Variants in RAB38 observed in about 807,000 individuals in gnomAD.
The protein encoded by RAB38 is RAB38, member RAS oncogene family.
RAB38 carries 15 observed loss-of-function variants against 18.4 expected under a neutral mutation model. The observed-to-expected ratio is 0.82, with a 90% CI of 0.55 to 1.26. The LOEUF (loss-of-function observed/expected upper bound fraction) is 1.26. Among genes scored for constraint, RAB38 ranks in the 50% most tolerant of loss-of-function variants. RAB38 has a pLI of 0.00. For synonymous variants in RAB38, 101 were observed against 104.4 expected, an observed-to-expected ratio of 0.97 and a Z score of 0.20; for missense variants, 294 against 267.4, an observed-to-expected ratio of 1.10 and a Z score of -0.69.
intron 2 of RAB38, among the ~76,000 whole-genome samples, chr11:88,145,664 A>C (rs1264704024): frequency 6.6e-6 from 1 of 152,176 alleles, no homozygotes; most frequent in Non-Finnish European, 1.5e-5. Context: ...AAAGAAACAG[A>C]TCTGCCAAAG....
the RAB38 span, among the ~76,000 whole-genome samples, chr11:87,878,604 A>T: frequency 6.6e-6 from 1 of 151,808 alleles, no homozygotes; most frequent in East Asian, 2.0e-4. Flanking sequence ...TCCCAGTTTT[A>T]AAAAAGCAAT....
Position 88,149,952 on chromosome 11 carries a change from T to C in RAB38, c.206A>G (p.Gln69Arg), listed in dbSNP as rs1396094756. The C allele has an allele frequency of 6.2e-7, 1 of 1,603,324 alleles. No homozygotes were observed. Among genetic ancestry groups the C allele is most frequent in the African/African-American group, 1.3e-5 (1 of 74,226 alleles). Residue 69 changes from glutamine (Q) to arginine (R), a missense_variant, in exon 2 of 3, where the codon CAA (glutamine) becomes CGA (arginine). Physicochemically the swap from Gln to Arg is conservative, Grantham distance 43. Coordinates refer to ENST00000243662, the MANE Select transcript of RAB38 (RefSeq NM_022337.3). ...CCTCGTCATGTTTCCAAATCTTTCT[T>C]GACCTGACACCAAAAAGAAATAAAA... ...VRLQLWDIAG[Q>R]ERFGNMTRVY...
At chr11:87,829,927 T>C in the RAB38 span, among the ~76,000 whole-genome samples, 1 of 152,190 alleles carries the variant, frequency 6.6e-6, no homozygotes, top group East Asian at 1.9e-4. Context: ...TTCTTGTTTC[T>C]TATGATGTTT....
the RAB38 span, among the ~76,000 whole-genome samples, chr11:88,058,979 T>A: frequency 1.1e-3 from 166 of 152,346 alleles, 1 homozygote; most frequent in South Asian, 3.7e-3. Context: ...TTTTTCCATT[T>A]GTGAGGATGC....
the RAB38 span, among the ~76,000 whole-genome samples, chr11:87,805,098 C>T: frequency 1.3e-5 from 2 of 152,180 alleles, no homozygotes; most frequent in East Asian, 3.8e-4. Context: ...CCTCAGAGGG[C>T]ACTGAAAAGC....
chr11:87,856,579 TA>T, the RAB38 span, among the ~76,000 whole-genome samples: 27 of 152,232 alleles, frequency 1.8e-4, no homozygotes, highest in South Asian at 1.0e-3. Context: ...AATGTATTAT[TA>T]AAAAAAATTT....
At chr11:87,925,989 T>C in the RAB38 span, among the ~76,000 whole-genome samples, 1 of 151,946 alleles carries the variant, frequency 6.6e-6, no homozygotes, top group South Asian at 2.1e-4. Flanking sequence ...CAGGAGAGGA[T>C]GGTTCATGTC....
chr11:87,866,806 A>T, the RAB38 span, among the ~76,000 whole-genome samples: 1 of 151,770 alleles, frequency 6.6e-6, no homozygotes, highest in Non-Finnish European at 1.5e-5. Context: ...AGAATGGAAG[A>T]GGGTCACAGC....
chr11:87,974,772 T>G, the RAB38 span, among the ~76,000 whole-genome samples: 2 of 151,252 alleles, frequency 1.3e-5, no homozygotes, highest in African/African-American at 4.9e-5. Context: ...AAATTACAGC[T>G]GTCTCAAATC....
the RAB38 span, among the ~76,000 whole-genome samples, chr11:87,822,970 A>T: frequency 6.6e-6 from 1 of 152,246 alleles, no homozygotes; most frequent in African/African-American, 2.4e-5. Flanking sequence ...CTTTATAATG[A>T]TAAAAAGTTA....
chr11:88,083,019 C>A, the RAB38 span, among the ~76,000 whole-genome samples: 3 of 151,768 alleles, frequency 2.0e-5, no homozygotes, highest in African/African-American at 7.3e-5. Flanking sequence ...TAATATTGGT[C>A]ACTTCACTGT....
At chr11:88,115,272 G>A (rs915009327) in intron 2 of RAB38, among the ~76,000 whole-genome samples, 6 of 152,072 alleles carry the variant, frequency 3.9e-5, no homozygotes, top group Non-Finnish European at 7.4e-5. Context: ...AGGCTTTCTC[G>A]TTGTTAAAAT....
chr11:88,108,377 CTTCT>C (rs529685761), downstream of RAB38, among the ~76,000 whole-genome samples: 184 of 152,222 alleles, frequency 1.2e-3, 1 homozygote, highest in African/African-American at 4.1e-3. Context: ...ATGTAATGCC[CTTCT>C]TTGTCTTTTT....
chr11:87,905,495 C>T, the RAB38 span, among the ~76,000 whole-genome samples: 1 of 151,850 alleles, frequency 6.6e-6, no homozygotes, highest in East Asian at 1.9e-4. Flanking sequence ...TACTTGCAGA[C>T]TTAATTTACT....
At chr11:88,045,011 C>G in the RAB38 span, among the ~76,000 whole-genome samples, 2 of 152,186 alleles carry the variant, frequency 1.3e-5, no homozygotes, top group African/African-American at 4.8e-5. Flanking sequence ...AAGGCATAGT[C>G]AAGGCTAATG....
chr11:88,116,712 T>G (rs1456711596), intron 2 of RAB38, among the ~76,000 whole-genome samples: 1 of 152,178 alleles, frequency 6.6e-6, no homozygotes, highest in Non-Finnish European at 1.5e-5. Context: ...CTTCCATATA[T>G]TATAATAAAA....
the RAB38 span, among the ~76,000 whole-genome samples, chr11:88,036,735 T>C: frequency 1.3e-5 from 2 of 152,060 alleles, no homozygotes; most frequent in African/African-American, 2.4e-5. Flanking sequence ...AATGATTATT[T>C]ACTTGAGAAC....
At chr11:88,056,499 T>C in the RAB38 span, among the ~76,000 whole-genome samples, 2 of 152,078 alleles carry the variant, frequency 1.3e-5, no homozygotes, top group Admixed American at 6.5e-5. Context: ...AAAACGTTTA[T>C]TGAGGACTTA....
the RAB38 span, among the ~76,000 whole-genome samples, chr11:88,096,173 C>T: frequency 6.6e-6 from 1 of 151,782 alleles, no homozygotes; most frequent in Non-Finnish European, 1.5e-5. Flanking sequence ...ATCATCTTTA[C>T]CCTCCCCAAT....
Sources: gnomAD v4.1 joint callset for allele counts (sites outside exome capture counted in the v4.1 genomes callset) on GRCh38, gnomAD v4.1.1 for gene constraint, MANE v1.5 for transcripts, NCBI Gene and HGNC (gene_info 2026-07-23, HGNC 2026-07-21) for gene names.